The following AKT3 variants were observed in gnomAD, a reference collection of about 807,000 sequenced individuals.
AKT3 encodes the protein RAC-gamma serine/threonine-protein kinase.
AKT3 carries 15 observed loss-of-function variants against 65.3 expected under a neutral mutation model. The ratio of observed to expected loss-of-function variants is 0.23; its 90% confidence interval spans 0.15 to 0.35. The LOEUF (loss-of-function observed/expected upper bound fraction) is 0.35, where lower values mean the gene tolerates loss of function less well. Among genes scored for constraint, AKT3 ranks in the 10% least tolerant of loss-of-function variants. AKT3 has a pLI of 1.00. For missense variants in AKT3, 243 were observed against 576.5 expected (o/e 0.42, Z 5.92); for synonymous variants, 206 against 183.8 (o/e 1.12, Z -0.98).
At chr1:243,654,745 A>G (rs1419472386) in intron 4 of AKT3, among the ~76,000 whole-genome samples, 1 of 152,168 alleles carries the variant, frequency 6.6e-6, no homozygotes, top group Non-Finnish European at 1.5e-5. Context: ...ATATTCCATT[A>G]TTTGGGAACA....
At chr1:243,498,666 A>T (rs9428575), downstream of AKT3, among the ~76,000 whole-genome samples, 11 of 152,332 alleles carry the variant, frequency 7.2e-5, no homozygotes, top group East Asian at 1.9e-3. Context: ...GCTGATGTTC[A>T]TATATTTCTC....
chr1:243,634,449 A>G (rs992046243), intron 6 of AKT3, among the ~76,000 whole-genome samples: 1 of 152,024 alleles, frequency 6.6e-6, no homozygotes, highest in African/African-American at 2.4e-5. Flanking sequence ...TTAAAAGTAA[A>G]TTAACAACAA....
At chr1:243,762,935 C>A (rs1689582477) in intron 2 of AKT3, among the ~76,000 whole-genome samples, 2 of 151,924 alleles carry the variant, frequency 1.3e-5, no homozygotes, top group Admixed American at 1.3e-4. Context: ...ATTGATATTT[C>A]TAAGTATAAT....
Position 243,571,967 on chromosome 1 carries a change from T to C in AKT3, c.819+959A>G, listed in dbSNP as rs192397620. On this transcript the variant is annotated intron_variant, in intron 9 of 13. Transcript: ENST00000673466. ...AAAACAGAATTTCATAAAAGCCTCA[T>C]GTAACTTCTGTTTCTACCAATCATT... 3.5e-3 allele frequency among the ~76,000 whole-genome samples: 538 copies of C among 152,362 alleles called. 2 individuals carry two copies. Among genetic ancestry groups the C allele is most frequent in the African/African-American group, 0.012 (519 of 41,584 alleles).
At chr1:243,526,911 G>A (rs1427911575) in intron 12 of AKT3, among the ~76,000 whole-genome samples, 2 of 151,720 alleles carry the variant, frequency 1.3e-5, no homozygotes, top group East Asian at 3.9e-4. Flanking sequence ...CAGCGGTGAT[G>A]GTTGCATAAG....
At chr1:243,544,705 G>T (rs76327672) in intron 12 of AKT3, among the ~76,000 whole-genome samples, 4,028 of 142,258 alleles carry the variant, frequency 0.028, 63 homozygotes, top group Middle Eastern at 0.071. Flanking sequence ...TTTGTTTTTT[G>T]TTTTTTTTTT....
At chr1:243,641,887 G>A (rs890231561) in intron 5 of AKT3, among the ~76,000 whole-genome samples, 5 of 152,086 alleles carry the variant, frequency 3.3e-5, no homozygotes, top group African/African-American at 4.8e-5. Flanking sequence ...AGTGAGTCAC[G>A]ATTGTGCCAC....
intron 8 of AKT3, among the ~76,000 whole-genome samples, chr1:243,594,799 C>T (rs572270144): frequency 4.6e-5 from 7 of 152,216 alleles, no homozygotes; most frequent in East Asian, 1.9e-4. Context: ...AGGCTGGTCT[C>T]GAACTCCTGG....
chr1:243,671,938 G>C lies in AKT3; in HGVS notation c.173-7055C>G, dbSNP rs188573136. On this transcript the variant is annotated intron_variant, in intron 3 of 13. Transcript: ENST00000673466. ...GCTAGGAAAAATGCCTTAAAAATCA[G>C]TAATCATCTGTCAAAGCCATAGGAA... Among the ~76,000 whole-genome samples, 19 of 152,310 alleles carry C rather than the reference G, an allele frequency of 1.2e-4. No individual in the cohort carries two copies. In the East Asian group the frequency reaches 3.7e-3, roughly 29 times the overall value.
At chr1:243,531,313 C>T (rs899589098) in intron 12 of AKT3, among the ~76,000 whole-genome samples, 2 of 152,134 alleles carry the variant, frequency 1.3e-5, no homozygotes, top group African/African-American at 2.4e-5. Context: ...AACTCCTGGG[C>T]TCAAGGAATC....
At chr1:243,828,944 T>C (rs1393201836) in intron 2 of AKT3, among the ~76,000 whole-genome samples, 1 of 152,210 alleles carries the variant, frequency 6.6e-6, no homozygotes, top group Non-Finnish European at 1.5e-5. Context: ...TCCCATGGCA[T>C]GGATAAATCT....
At chr1:243,820,528 C>T (rs10927078) in intron 2 of AKT3, among the ~76,000 whole-genome samples, 27,335 of 152,024 alleles carry the variant, frequency 0.18, 2,649 homozygotes, top group East Asian at 0.31. Flanking sequence ...ATGTTCAAAC[C>T]CAATGCAAAG....
chr1:243,617,656 G>A (rs1003819349), intron 6 of AKT3, among the ~76,000 whole-genome samples: 4 of 152,096 alleles, frequency 2.6e-5, no homozygotes, highest in African/African-American at 7.2e-5. Flanking sequence ...TTGGTAGAGT[G>A]TAAGTTGGGT....
At chr1:243,775,255 A>T (rs1175500886) in intron 2 of AKT3, among the ~76,000 whole-genome samples, 1 of 151,686 alleles carries the variant, frequency 6.6e-6, no homozygotes, top group Non-Finnish European at 1.5e-5. Context: ...ATCTCGGCTC[A>T]CTGCAAGCTC....
At chr1:243,548,323 T>G (rs1672817578) in intron 11 of AKT3, 1 of 152,210 alleles carries the variant, frequency 6.6e-6, no homozygotes, top group Non-Finnish European at 1.5e-5. Flanking sequence ...TAAAATGTTT[T>G]AATCCAGCTT....
chr1:243,673,149 T>C (rs1195601585), intron 3 of AKT3, among the ~76,000 whole-genome samples: 1 of 152,230 alleles, frequency 6.6e-6, no homozygotes, highest in African/African-American at 2.4e-5. Context: ...ATTTTAAGTA[T>C]ACAGTTTGGT....
chr1:243,765,523 A>T (rs1689766093), intron 2 of AKT3, among the ~76,000 whole-genome samples: 1 of 152,272 alleles, frequency 6.6e-6, no homozygotes. Flanking sequence ...CCCTTCTTAT[A>T]GAGTTTACAT....
chr1:243,637,763 A>G, intron 5 of AKT3, 21 bp from the exon 6 acceptor site: 1 of 1,468,656 alleles, frequency 6.8e-7, no homozygotes, highest in African/African-American at 1.4e-5. Context: ...CAAATTAAAA[A>G]ATATAATATG....
chr1:243,716,738 G>A (rs951149141), intron 2 of AKT3, among the ~76,000 whole-genome samples: 1 of 152,162 alleles, frequency 6.6e-6, no homozygotes, highest in Non-Finnish European at 1.5e-5. Context: ...AAAAAAGAAC[G>A]AAAAGAGGAG....
Sources: gnomAD v4.1 joint callset for allele counts (sites outside exome capture counted in the v4.1 genomes callset) on GRCh38, gnomAD v4.1.1 for gene constraint, MANE v1.5 for transcripts, NCBI Gene and HGNC (gene_info 2026-07-23, HGNC 2026-07-21) for gene names.